Variants in SNW1 observed in about 807,000 individuals in gnomAD.
The protein encoded by SNW1 is SNW domain containing 1.
SNW1 carries 9 observed loss-of-function variants against 75.6 expected under a neutral mutation model. That is an observed-to-expected ratio of 0.12 (90% CI 0.07 to 0.21). The LOEUF is 0.21. SNW1 is among the 10% of genes least tolerant of loss of function. SNW1 has a pLI of 1.00. For missense variants in SNW1, 409 were observed against 670.9 expected (o/e 0.61, Z 4.31); for synonymous variants, 200 against 219.1 (o/e 0.91, Z 0.77).
intron 11 of SNW1, 27 bp downstream of exon 11, chr14:77,723,154 T>C (rs907213808): frequency 2.0e-5 from 31 of 1,575,766 alleles, no homozygotes; most frequent in Admixed American, 3.3e-5. Flanking sequence ...GCCACCATGA[T>C]TGGTACACAT....
intron 2 of SNW1, among the ~76,000 whole-genome samples, chr14:77,753,986 G>A (rs1188813131): frequency 6.6e-6 from 1 of 151,774 alleles, no homozygotes; most frequent in Non-Finnish European, 1.5e-5. Flanking sequence ...ATTAATTAAT[G>A]TAAAGGATCC....
chr14:77,751,734 G>T (rs2080808201), intron 2 of SNW1, among the ~76,000 whole-genome samples: 1 of 151,596 alleles, frequency 6.6e-6, no homozygotes, highest in South Asian at 2.1e-4. Flanking sequence ...TGATAGGGTG[G>T]TTGGGGACAG....
chr14:77,735,547 T>C (rs966022600), intron 7 of SNW1, among the ~76,000 whole-genome samples: 1 of 152,200 alleles, frequency 6.6e-6, no homozygotes, highest in African/African-American at 2.4e-5. Context: ...CCTCCCAAAG[T>C]GCTGGGATTA....
At chr14:77,747,840 C>T (rs866087061) in intron 3 of SNW1, among the ~76,000 whole-genome samples, 5 of 151,502 alleles carry the variant, frequency 3.3e-5, no homozygotes, top group African/African-American at 1.2e-4. Context: ...AGGTGGGGGG[C>T]GCCTCTGCCC....
At chr14:77,742,636 A>G (rs151217788) in intron 3 of SNW1, among the ~76,000 whole-genome samples, 5 of 152,244 alleles carry the variant, frequency 3.3e-5, no homozygotes, top group African/African-American at 1.2e-4. Flanking sequence ...TACAAACAAG[A>G]TAACATATAA....
intron 2 of SNW1, among the ~76,000 whole-genome samples, chr14:77,751,906 G>C (rs2080812712): frequency 6.6e-6 from 1 of 151,614 alleles, no homozygotes; most frequent in African/African-American, 2.4e-5. Flanking sequence ...CAAAGGCCCT[G>C]CTGCAAGAAT....
At chr14:77,738,141 T>TA (rs1344310857) in intron 5 of SNW1, among the ~76,000 whole-genome samples, 8 of 150,472 alleles carry the variant, frequency 5.3e-5, no homozygotes, top group South Asian at 4.2e-4. Flanking sequence ...CTGTCTCTAC[T>TA]AAAAAAAATA....
intron 1 of SNW1, among the ~76,000 whole-genome samples, chr14:77,756,585 T>C: frequency 6.6e-6 from 1 of 152,090 alleles, no homozygotes. Flanking sequence ...ACAATGAAAT[T>C]TAAAACTTAG....
intron 3 of SNW1, among the ~76,000 whole-genome samples, chr14:77,748,897 AT>A (rs1212544694): frequency 1.3e-5 from 2 of 151,926 alleles, no homozygotes; most frequent in African/African-American, 4.8e-5. Flanking sequence ...TATTTGTATA[AT>A]TTTTTTTAAA....
Position 77,718,162 on chromosome 14 carries a change from C to T in SNW1, c.1537G>A (p.Gly513Ser), listed in dbSNP as rs757362483. 3.1e-6 allele frequency: 5 copies of T among 1,613,556 alleles called. No homozygotes were observed. Among genetic ancestry groups the T allele is most frequent in the Non-Finnish European group, 4.2e-6 (5 of 1,179,840 alleles). ...KFLEEAKQHG[G>S]SKRPSDSSRP... ...CTGCTATCTGAGGGTCTTTTAGAGC[C>T]ACCATGCTGTTTGGCTTCTTCCAAA... Residue 513 changes from glycine (G) to serine (S), a missense_variant, in exon 14 of 14, where the codon GGC becomes AGC. Around this residue, in one of 9 missense-constraint regions of SNW1, gnomAD observed 24 missense variants for 31.0 expected, o/e 0.77. Coordinates refer to ENST00000261531, the MANE Select transcript of SNW1 (RefSeq NM_012245.3).
rs1040546055 is a variant in SNW1, at chr14:77,734,840, C to T, written c.774+107G>A. ...TTGGGCATTCCTTTTTGAAAATGCT[C>T]AGTTAAACCACGTGTTGTTTCAACT... On this transcript the variant is annotated intron_variant, in intron 8 of 13. Transcript: ENST00000261531. The T allele has an allele frequency of 1.9e-5, 14 of 723,378 alleles. No homozygotes were observed. The Admixed American group carries it at 3.1e-4, about 16-fold the overall frequency. The allele number at this position is 723,378 out of a possible 1,614,324, so 44.8% of individuals were successfully genotyped here.
chr14:77,734,327 T>C (rs1192268470), intron 8 of SNW1, among the ~76,000 whole-genome samples: 1 of 152,254 alleles, frequency 6.6e-6, no homozygotes, highest in Non-Finnish European at 1.5e-5. Flanking sequence ...GTTTACTTTC[T>C]TTTAGAAATA....
chr14:77,745,377 T>G (rs1382745489), intron 3 of SNW1, among the ~76,000 whole-genome samples: 1 of 151,906 alleles, frequency 6.6e-6, no homozygotes, highest in Non-Finnish European at 1.5e-5. Context: ...CTACAAGTAG[T>G]TCCTCATGGC....
chr14:77,743,809 C>G (rs1227971284), intron 3 of SNW1, among the ~76,000 whole-genome samples: 1 of 152,084 alleles, frequency 6.6e-6, no homozygotes, highest in Non-Finnish European at 1.5e-5. Context: ...AAACATTGTA[C>G]AATGCTGAAG....
chr14:77,761,000 C>T, intron 1 of SNW1, 114 bp downstream of exon 1: 1 of 1,612,904 alleles, frequency 6.2e-7, no homozygotes, highest in East Asian at 2.2e-5. Context: ...TAGTCTTGGC[C>T]CACGTCATTC....
At chr14:77,720,168 T>TTTA (rs1427803178) in intron 12 of SNW1, among the ~76,000 whole-genome samples, 2 of 152,052 alleles carry the variant, frequency 1.3e-5, no homozygotes, top group African/African-American at 4.8e-5. Context: ...CACTGACTCT[T>TTTA]TTATTTTTTT....
Position 77,717,938 on chromosome 14 carries a change from TC to T in SNW1, c.*149del, listed in dbSNP as rs138354053. On this transcript the variant is annotated 3_prime_UTR_variant, in exon 14 of 14. Coordinates refer to ENST00000261531, the MANE Select transcript of SNW1 (RefSeq NM_012245.3). ...AAATAATTCAAAGTAGAATTTTCTA[TC>T]CCCCCCATTTCTCCAGTAATAAAAA... 2.7e-5 allele frequency: 18 copies of T among 666,008 alleles called. No homozygotes were observed. The highest frequency in any genetic ancestry group is 7.7e-5 in the South Asian group (3 of 38,774). The allele number at this position is 666,008 out of a possible 1,614,324, so 41.3% of individuals were successfully genotyped here.
chr14:77,747,464 G>A (rs1176859905), intron 3 of SNW1, among the ~76,000 whole-genome samples: 1 of 151,942 alleles, frequency 6.6e-6, no homozygotes, highest in Non-Finnish European at 1.5e-5. Context: ...TCCCGTCTAG[G>A]AAGTGAGGAG....
At chr14:77,751,228 A>T in intron 3 of SNW1, 91 bp downstream of exon 3, 1 of 1,333,578 alleles carries the variant, frequency 7.5e-7, no homozygotes, top group South Asian at 1.4e-5. Flanking sequence ...TACTTTTAAC[A>T]TAATTCAAAC....
Sources: gnomAD v4.1 joint callset for allele counts (sites outside exome capture counted in the v4.1 genomes callset) on GRCh38, gnomAD v4.1.1 for gene constraint, gnomAD v4.1.1 regional missense constraint, MANE v1.5 for transcripts, NCBI Gene and HGNC (gene_info 2026-07-23, HGNC 2026-07-21) for gene names.